TAF4: variants seen among roughly 807,000 people sequenced by gnomAD.
TAF4 encodes transcription initiation factor TFIID subunit 4.
TAF4 carries 9 observed loss-of-function variants against 90.3 expected under a neutral mutation model. The observed-to-expected ratio is 0.10, with a 90% CI of 0.06 to 0.17. The LOEUF is 0.17. Among genes scored for constraint, TAF4 ranks in the 10% least tolerant of loss-of-function variants. TAF4 has a pLI of 1.00. For missense variants in TAF4, 1,351 were observed against 1,370.7 expected, an observed-to-expected ratio of 0.99 and a Z score of 0.23; for synonymous variants, 818 against 638.9, an observed-to-expected ratio of 1.28 and a Z score of -4.23.
chr20:62,047,026 C>T (rs2055997345), intron 1 of TAF4, among the ~76,000 whole-genome samples: 1 of 152,198 alleles, frequency 6.6e-6, no homozygotes, highest in African/African-American at 2.4e-5. Flanking sequence ...GTCTTAACAA[C>T]GTCTGTCAAC....
intron 14 of TAF4, among the ~76,000 whole-genome samples, chr20:61,988,762 A>G (rs2123108005): frequency 6.6e-6 from 1 of 151,960 alleles, no homozygotes; most frequent in South Asian, 2.1e-4. Flanking sequence ...ATCTTCACCC[A>G]CTCGGCAGTG....
intron 14 of TAF4, 54 bp from the exon 15 acceptor site, chr20:61,976,389 G>A (rs2055495018): frequency 6.9e-6 from 11 of 1,592,170 alleles, no homozygotes; most frequent in Middle Eastern, 2.2e-4. Context: ...AGTGGGGCTT[G>A]CAATGAGCCT....
chr20:62,014,869 G>A (rs1349787996), intron 1 of TAF4, among the ~76,000 whole-genome samples, 162 bp from the exon 2 acceptor site: 1 of 152,196 alleles, frequency 6.6e-6, no homozygotes, highest in Non-Finnish European at 1.5e-5. Context: ...TGTGAGTCAA[G>A]ATGGTATACA....
chr20:62,065,587 G>A lies in TAF4; in HGVS notation c.224C>T (p.Pro75Leu), dbSNP rs1430297911. ...GSPAGAAGAGPAAPAEGAPGA... is the reference protein window; with the variant it reads ...GSPAGAAGAGLAAPAEGAPGA... ...GGGCGCGCCCTCGGCGGGGGCGGCC[G>A]GCCCTGCGCCCGCGGCTCCGGCCGG... The change falls in exon 1 of 15, where the codon CCG (proline) becomes CTG (leucine). Residue 75 changes from proline (P) to leucine (L), a missense_variant. Physicochemically the swap from Pro to Leu is moderately conservative, Grantham distance 98. This residue lies in a region of TAF4 where 782 missense variants were observed against 536.6 expected (regional missense o/e 1.46). Coordinates refer to ENST00000252996, the MANE Select transcript of TAF4 (RefSeq NM_003185.4). 4.1e-6 allele frequency: 4 copies of A among 982,580 alleles called. No individual in the cohort carries two copies. Among genetic ancestry groups the A allele is most frequent in the African/African-American group, 3.6e-5 (2 of 56,076 alleles). The allele number at this position is 982,580 out of a possible 1,614,324, so 60.9% of individuals were successfully genotyped here.
At chr20:62,047,166 C>T (rs28382006) in intron 1 of TAF4, among the ~76,000 whole-genome samples, 3,406 of 152,258 alleles carry the variant, frequency 0.022, 131 homozygotes, top group African/African-American at 0.076. Flanking sequence ...TTTTACTCAT[C>T]TATTCTTCGA....
At chr20:61,985,229 C>T (rs937260157) in intron 14 of TAF4, among the ~76,000 whole-genome samples, 5 of 151,752 alleles carry the variant, frequency 3.3e-5, no homozygotes, top group Admixed American at 6.6e-5. Context: ...GAGTGACGGC[C>T]ACACTGAGGG....
intron 14 of TAF4, among the ~76,000 whole-genome samples, chr20:61,992,782 CAT>C (rs2055639538): frequency 1.3e-5 from 2 of 152,260 alleles, no homozygotes; most frequent in South Asian, 2.1e-4. Flanking sequence ...GAGCCTGACA[CAT>C]GTTAACGTCC....
At chr20:61,993,951 C>T (rs887194264) in intron 14 of TAF4, among the ~76,000 whole-genome samples, 2 of 152,116 alleles carry the variant, frequency 1.3e-5, no homozygotes, top group African/African-American at 4.8e-5. Context: ...CAGGGTTTCA[C>T]CATCTTGGCC....
chr20:61,988,159 A>T (rs554623012), intron 14 of TAF4, among the ~76,000 whole-genome samples: 1 of 152,258 alleles, frequency 6.6e-6, no homozygotes, highest in African/African-American at 2.4e-5. Flanking sequence ...AGCTGTCAAA[A>T]CCCACAGAAT....
intron 1 of TAF4, among the ~76,000 whole-genome samples, chr20:62,047,979 A>G (rs2056003298): frequency 6.6e-6 from 1 of 152,148 alleles, no homozygotes; most frequent in African/African-American, 2.4e-5. Context: ...GGGCCATCCC[A>G]GACCTAGCTC....
intron 1 of TAF4, among the ~76,000 whole-genome samples, chr20:62,038,394 C>T (rs1053834561): frequency 6.6e-6 from 1 of 151,932 alleles, no homozygotes; most frequent in Non-Finnish European, 1.5e-5. Flanking sequence ...ATCTCCTGAC[C>T]TCATGATCCG....
rs575204550 is a variant in TAF4 at position 62,043,124 on chromosome 20, C to G, written c.1360+21327G>C. Among the ~76,000 whole-genome samples the G allele has an allele frequency of 2.0e-5, 3 of 152,256 alleles. No individual in the cohort carries two copies. In the South Asian group the frequency reaches 6.2e-4, roughly 32 times the overall value. ...ATCGCTAGAGCCCAGGAGTCCAAGA[C>G]CAGTCTGGGCAACACGGTGAAACCT... On this transcript the variant is annotated intron_variant, in intron 1 of 14. Coordinates refer to ENST00000252996, the MANE Select transcript of TAF4 (RefSeq NM_003185.4).
chr20:62,056,609 C>T (rs1445436974), intron 1 of TAF4, among the ~76,000 whole-genome samples: 2 of 152,108 alleles, frequency 1.3e-5, no homozygotes, highest in African/African-American at 4.8e-5. Flanking sequence ...AGGGAAAGTG[C>T]ACCAGACACA....
At chr20:62,019,809 C>A (rs2055832291) in intron 1 of TAF4, among the ~76,000 whole-genome samples, 1 of 152,254 alleles carries the variant, frequency 6.6e-6, no homozygotes. Flanking sequence ...GTAGGTAACA[C>A]TTTTACTGTA....
At chr20:62,020,901 G>C (rs1190971377) in intron 1 of TAF4, among the ~76,000 whole-genome samples, 2 of 152,316 alleles carry the variant, frequency 1.3e-5, no homozygotes, top group Non-Finnish European at 2.9e-5. Flanking sequence ...GAAATTCTAG[G>C]AGGACAGAAA....
At chr20:61,989,978 A>G (rs1241875402) in intron 14 of TAF4, among the ~76,000 whole-genome samples, 1 of 152,110 alleles carries the variant, frequency 6.6e-6, no homozygotes, top group African/African-American at 2.4e-5. Flanking sequence ...AGGGTGGGGC[A>G]TCTGTGTGAG....
Position 62,014,635 on chromosome 20 carries a change from G to A in TAF4, c.1433C>T (p.Ala478Val), listed in dbSNP as rs768661785. The change falls in exon 2 of 15, where the codon GCG becomes GTG. Residue 478 changes from alanine (A) to valine (V), a missense_variant. This residue lies in a region of TAF4 where 143 missense variants were observed against 176.3 expected (regional missense o/e 0.81). Coordinates refer to ENST00000252996, the MANE Select transcript of TAF4 (RefSeq NM_003185.4). ...GGTCTGAGGCTGGGCATGGGCCTGC[G>A]CCTGCATCTGGGCCAAGGCCTGCTG... is the stretch of plus-strand genomic sequence containing the variant. ...IPQQALAQMQ[A>V]QAHAQPQTTM... 9 of 1,613,912 alleles carry A rather than the reference G, an allele frequency of 5.6e-6. No homozygotes were observed. Among genetic ancestry groups the A allele is most frequent in the Admixed American group, 1.7e-5 (1 of 59,946 alleles).
At chr20:61,981,484 T>C (rs1408047606) in intron 14 of TAF4, 1 of 149,174 alleles carries the variant, frequency 6.7e-6, no homozygotes, top group Non-Finnish European at 1.5e-5. Context: ...GAAATAAGAG[T>C]TGACTGGACT....
intron 1 of TAF4, among the ~76,000 whole-genome samples, chr20:62,043,651 T>A (rs1294385217): frequency 6.6e-6 from 1 of 152,150 alleles, no homozygotes; most frequent in African/African-American, 2.4e-5. Context: ...AGTTTTACTG[T>A]ACCTTTTCTA....
Sources: gnomAD v4.1 joint callset for allele counts (sites outside exome capture counted in the v4.1 genomes callset) on GRCh38, gnomAD v4.1.1 for gene constraint, gnomAD v4.1.1 regional missense constraint, MANE v1.5 for transcripts, NCBI Gene and HGNC (gene_info 2026-07-23, HGNC 2026-07-21) for gene names.